TMX3: variants seen among roughly 807,000 people sequenced by gnomAD.
The protein encoded by TMX3 is thioredoxin related transmembrane protein 3, also known as protein disulfide-isomerase TMX3.
Under a neutral mutation model 64.4 loss-of-function variants are expected in TMX3, and 40 were observed. That is an observed-to-expected ratio of 0.62 (90% confidence interval 0.48 to 0.81). The LOEUF (loss-of-function observed/expected upper bound fraction) is 0.81, where lower values mean the gene tolerates loss of function less well. Ranked by LOEUF, TMX3 falls within the 30% of genes least tolerant of loss-of-function variation. The pLI is 0.00. For missense variants in TMX3, 497 were observed against 534.5 expected (o/e 0.93, Z 0.69); for synonymous variants, 189 against 175.7 (o/e 1.08, Z -0.60).
intron 14 of TMX3, among the ~76,000 whole-genome samples, chr18:68,680,000 A>C (rs182756827): frequency 6.6e-6 from 1 of 152,262 alleles, no homozygotes; most frequent in East Asian, 1.9e-4. Context: ...TCATTTTTTA[A>C]ATTTCCAAGC....
At chr18:68,689,863 C>T (rs1307257160) in intron 9 of TMX3, 1 of 152,082 alleles carries the variant, frequency 6.6e-6, no homozygotes, top group Non-Finnish European at 1.5e-5. Flanking sequence ...CTTTGTAATC[C>T]TGGGGTATTA....
At chr18:68,711,832 G>A (rs2031307270) in intron 2 of TMX3, among the ~76,000 whole-genome samples, 1 of 152,156 alleles carries the variant, frequency 6.6e-6, no homozygotes, top group Non-Finnish European at 1.5e-5. Context: ...TGGTAATGAT[G>A]GCTCAGTGTT....
chr18:68,698,524 A>G (rs917306069), intron 6 of TMX3, among the ~76,000 whole-genome samples: 1 of 152,204 alleles, frequency 6.6e-6, no homozygotes, highest in African/African-American at 2.4e-5. Context: ...TATGGAGGTT[A>G]AAATCCAAAG....
At chr18:68,702,175 C>CAA (rs375234012) in intron 4 of TMX3, among the ~76,000 whole-genome samples, 3,219 of 43,992 alleles carry the variant, frequency 0.073, 727 homozygotes, top group African/African-American at 0.19. Context: ...TTACTCCTCT[C>CAA]AAAAAAAAAA....
intron 3 of TMX3, among the ~76,000 whole-genome samples, chr18:68,710,379 T>C (rs909534294): frequency 2.0e-5 from 3 of 152,196 alleles, no homozygotes; most frequent in Non-Finnish European, 1.5e-5. Flanking sequence ...TTTAATTGAC[T>C]ACTGATTTAA....
Position 68,677,196 on chromosome 18 carries a change from G to GT in TMX3, c.1105-4dup. ...AGTGGTGAGCTCTTGAATATAGACTGTGGAAAGAGAATTAAAACTCAGTTC... is the reference window on the plus strand; with the variant it reads ...AGTGGTGAGCTCTTGAATATAGACTGTTGGAAAGAGAATTAAAACTCAGTTC... On this transcript the variant is annotated splice_region_variant and splice_polypyrimidine_tract_variant and intron_variant, in intron 15 of 15. Coordinates refer to ENST00000299608, the MANE Select transcript of TMX3 (RefSeq NM_019022.5). The GT allele has an allele frequency of 1.2e-6, 2 of 1,609,290 alleles. No homozygotes were observed. The highest frequency in any genetic ancestry group is 1.7e-6 in the Non-Finnish European group (2 of 1,178,002).
Position 68,710,013 on chromosome 18 carries a change from A to G in TMX3, c.265+8T>C. ...AACAGTAAAATAATAAACTAAGTGA[A>G]GGCTTACTAGAATAGGAAGTAGCAT... is the stretch of plus-strand genomic sequence containing the variant. On this transcript the variant is annotated splice_region_variant and intron_variant, in intron 4 of 15. Transcript: ENST00000299608. The G allele has an allele frequency of 6.3e-7, 1 of 1,577,138 alleles. No homozygotes were observed. The highest frequency in any genetic ancestry group is 8.6e-7 in the Non-Finnish European group (1 of 1,165,398).
rs1912706050 is a variant in TMX3, at chr18:68,673,721, C to T, written c.*3212G>A. On this transcript the variant is annotated 3_prime_UTR_variant, in exon 16 of 16. Transcript: ENST00000299608. ...TTTCAATTACTTTATTTTAGAAAAA[C>T]AAAGGTTTACAATTTGTGCCATAGG... 1 of 152,002 alleles carries T rather than the reference C, an allele frequency of 6.6e-6. No individual in the cohort carries two copies. The allele number at this position is 152,002 out of a possible 1,614,324, so 9.4% of individuals were successfully genotyped here.
At chr18:68,699,790 A>T (rs1026880915) in intron 6 of TMX3, among the ~76,000 whole-genome samples, 2 of 152,156 alleles carry the variant, frequency 1.3e-5, no homozygotes, top group Admixed American at 1.3e-4. Flanking sequence ...TCAAACCAAC[A>T]AAAAGTGCTT....
chr18:68,688,695 GA>G (rs1171617903), intron 9 of TMX3: 12 of 152,122 alleles, frequency 7.9e-5, no homozygotes, highest in African/African-American at 2.7e-4. Flanking sequence ...TATAAATTAG[GA>G]AAATAAACAT....
rs760790303 is a variant in TMX3 at position 68,715,025 on chromosome 18, A to G, written c.-44T>C. 6.4e-7 allele frequency: 1 copy of G among 1,554,102 alleles called. No homozygotes were observed. Among genetic ancestry groups the G allele is most frequent in the Admixed American group, 1.9e-5 (1 of 51,528 alleles). On this transcript the variant is annotated 5_prime_UTR_variant, in exon 1 of 16. Transcript: ENST00000299608. ...CAGAAGCTGACTGTGCAAAAGAGGGATAAAGACACTGGGGTCCGCCGCCTG... is the reference window on the plus strand; with the variant it reads ...CAGAAGCTGACTGTGCAAAAGAGGGGTAAAGACACTGGGGTCCGCCGCCTG...
intron 4 of TMX3, among the ~76,000 whole-genome samples, chr18:68,704,827 G>A (rs574569701): frequency 7.9e-5 from 12 of 152,216 alleles, no homozygotes; most frequent in Admixed American, 7.9e-4. Context: ...GAGGTAAGTA[G>A]GAATGTGAAT....
At chr18:68,697,357 T>A (rs905295135) in intron 7 of TMX3, 54 bp from the exon 8 acceptor site, 1 of 991,680 alleles carries the variant, frequency 1.0e-6, no homozygotes, top group African/African-American at 1.7e-5. Flanking sequence ...AGGCCAAAAT[T>A]CATTCCTCAT....
rs1209123455 is a variant in TMX3 at position 68,710,032 on chromosome 18, G to A, written c.254C>T (p.Thr85Ile). The change falls in exon 4 of 16, where the codon ACT (threonine) becomes ATT (isoleucine). Residue 85 changes from threonine to isoleucine, a missense_variant. This residue lies in a region of TMX3 where 360 missense variants were observed against 383.5 expected (regional missense o/e 0.94). Coordinates refer to ENST00000299608, the MANE Select transcript of TMX3 (RefSeq NM_019022.5). The part of the protein sequence containing the change: ...SPVKVGKMDA[T>I]SYSSIASEFG... ...AAGTGAAGGCTTACTAGAATAGGAA[G>A]TAGCATCCATCTTTCCAACCTTAAC... The A allele has an allele frequency of 1.3e-6, 2 of 1,587,864 alleles. No individual in the cohort carries two copies. The highest frequency in any genetic ancestry group is 2.3e-5 in the East Asian group (1 of 43,530).
intron 4 of TMX3, among the ~76,000 whole-genome samples, chr18:68,708,518 T>C (rs1293170914): frequency 6.6e-6 from 1 of 152,140 alleles, no homozygotes; most frequent in Admixed American, 6.5e-5. Flanking sequence ...GTATGGGACA[T>C]GTCTATGAAA....
chr18:68,681,903 C>T (rs1913471906), intron 13 of TMX3, among the ~76,000 whole-genome samples: 1 of 152,164 alleles, frequency 6.6e-6, no homozygotes, highest in Admixed American at 6.5e-5. Context: ...TTTCCTACTA[C>T]CTGTCATACT....
rs764734305 is a variant in TMX3, at chr18:68,684,447, T to C, written c.775A>G (p.Thr259Ala). The change falls in exon 11 of 16, where the codon ACA becomes GCA. Residue 259 changes from threonine (T) to alanine (A), a missense_variant. Transcript: ENST00000299608. ...VALAVIDEKN[T>A]SVEHTRLKSI... The stretch of plus-strand genomic sequence containing the variant: ...TTATACCTGGTATGTTCAACTGATG[T>C]ATTTTTCTCATCAATAACTGCAAGA... The C allele has an allele frequency of 1.2e-6, 2 of 1,612,998 alleles. No homozygotes were observed. Among genetic ancestry groups the C allele is most frequent in the Non-Finnish European group, 1.7e-6 (2 of 1,179,604 alleles).
Position 68,676,801 on chromosome 18 carries a change from C to T in TMX3, c.*132G>A, listed in dbSNP as rs1912961183. 8.8e-7 allele frequency: 1 copy of T among 1,134,620 alleles called. No individual in the cohort carries two copies. The highest frequency in any genetic ancestry group is 1.6e-5 in the African/African-American group (1 of 63,300). 70.3% of individuals were successfully genotyped at this position (1,134,620 alleles called of 1,614,324 possible). ...CCATGTATGGAGGGACTACTTTAATCCATGCAGTTGATATTAGCAAAATAC... is the reference window on the plus strand; with the variant it reads ...CCATGTATGGAGGGACTACTTTAATTCATGCAGTTGATATTAGCAAAATAC... On this transcript the variant is annotated 3_prime_UTR_variant, in exon 16 of 16. Transcript: ENST00000299608.
intron 10 of TMX3, chr18:68,687,356 T>G (rs1469263821): frequency 5.1e-6 from 5 of 985,330 alleles, no homozygotes; most frequent in African/African-American, 1.7e-5. Flanking sequence ...TTTTAACTCC[T>G]ATTACAAAAT....
Sources: gnomAD v4.1 joint callset for allele counts (sites outside exome capture counted in the v4.1 genomes callset) on GRCh38, gnomAD v4.1.1 for gene constraint, gnomAD v4.1.1 regional missense constraint, MANE v1.5 for transcripts, NCBI Gene and HGNC (gene_info 2026-07-23, HGNC 2026-07-21) for gene names.